The following RASEF variants were observed in gnomAD, a reference collection of about 807,000 sequenced individuals.
The protein encoded by RASEF is RAS and EF-hand domain containing, also known as ras and EF-hand domain-containing protein.
Under a neutral mutation model 90.1 loss-of-function variants are expected in RASEF, and 68 were observed. The observed-to-expected ratio is 0.75, with a 90% CI of 0.62 to 0.92. The LOEUF (loss-of-function observed/expected upper bound fraction) is 0.92. Ranked by LOEUF, RASEF falls within the 40% of genes least tolerant of loss-of-function variation. RASEF has a pLI of 0.00. For synonymous variants in RASEF, 331 were observed against 345.2 expected, an observed-to-expected ratio of 0.96 and a Z score of 0.46; for missense variants, 949 against 937.2, an observed-to-expected ratio of 1.01 and a Z score of -0.16.
chr9:83,190,883 G>C, the RASEF span, among the ~76,000 whole-genome samples: 1 of 152,130 alleles, frequency 6.6e-6, no homozygotes, highest in African/African-American at 2.4e-5. Flanking sequence ...CCCATGCCCA[G>C]GAAATTACCA....
At chr9:83,169,055 T>G in the RASEF span, among the ~76,000 whole-genome samples, 1 of 152,096 alleles carries the variant, frequency 6.6e-6, no homozygotes, top group South Asian at 2.1e-4. Flanking sequence ...GAGATCATTT[T>G]TTTTTTAGCT....
chr9:82,992,058 T>C (rs1302368686), intron 15 of RASEF, among the ~76,000 whole-genome samples: 1 of 152,242 alleles, frequency 6.6e-6, no homozygotes, highest in Admixed American at 6.5e-5. Context: ...TTATCACATT[T>C]GGTTTGCAGT....
rs375581972 is a variant in RASEF at position 82,990,478 on chromosome 9, G to C, written c.2041-11C>G. The stretch of plus-strand genomic sequence containing the variant: ...TAATGCCCCATACGTCTGTAAAAAA[G>C]AAATACACACAATTAAATGAAGCCC... On this transcript the variant is annotated splice_polypyrimidine_tract_variant and intron_variant, in intron 15 of 16. Coordinates refer to ENST00000376447, the MANE Select transcript of RASEF (RefSeq NM_152573.4). 1.9e-6 allele frequency: 3 copies of C among 1,595,094 alleles called. No individual in the cohort carries two copies. The highest frequency in any genetic ancestry group is 8.6e-7 in the Non-Finnish European group (1 of 1,164,660).
chr9:82,983,990 T>A lies in RASEF; in HGVS notation c.2118-1208A>T, dbSNP rs556713761. Among the ~76,000 whole-genome samples the A allele has an allele frequency of 2.0e-5, 3 of 152,220 alleles. No homozygotes were observed. In the South Asian group the frequency reaches 6.2e-4, roughly 32 times the overall value. ...GACATCCAGCCACCTCTGCCAACTGTGAGAAATAAAAATTGGTTGTTGTTT... is the reference window on the plus strand; with the variant it reads ...GACATCCAGCCACCTCTGCCAACTGAGAGAAATAAAAATTGGTTGTTGTTT... On this transcript the variant is annotated intron_variant, in intron 16 of 16. Transcript: ENST00000376447.
chr9:83,129,591 A>C, the RASEF span, among the ~76,000 whole-genome samples: 1 of 152,210 alleles, frequency 6.6e-6, no homozygotes, highest in South Asian at 2.1e-4. Context: ...TATTAAATAG[A>C]AGCTTCATCA....
chr9:83,169,177 C>T, the RASEF span, among the ~76,000 whole-genome samples: 6 of 151,994 alleles, frequency 3.9e-5, no homozygotes, highest in Non-Finnish European at 7.4e-5. Flanking sequence ...CTGCAAATGA[C>T]AGGGCTTCAT....
intron 5 of RASEF, among the ~76,000 whole-genome samples, chr9:83,011,347 A>G (rs1245138360): frequency 6.6e-6 from 1 of 151,972 alleles, no homozygotes; most frequent in Non-Finnish European, 1.5e-5. Flanking sequence ...AGGTCAAGAG[A>G]TTGAGACCAC....
rs373095501 is a variant in RASEF at position 82,982,653 on chromosome 9, T to A, written c.*24A>T. On this transcript the variant is annotated 3_prime_UTR_variant, in exon 17 of 17. Transcript: ENST00000376447. ...ATTCAGTATTCTGGAAATGAAGACT[T>A]CACAGGCCAAGGATGTTTGGGATTT... is the stretch of plus-strand genomic sequence containing the variant. 3.7e-5 allele frequency: 49 copies of A among 1,310,192 alleles called. No homozygotes were observed. Among genetic ancestry groups the A allele is most frequent in the Non-Finnish European group, 5.0e-5 (45 of 902,842 alleles). The allele number at this position is 1,310,192 out of a possible 1,614,324, so 81.2% of individuals were successfully genotyped here.
At chr9:83,133,555 A>G in the RASEF span, among the ~76,000 whole-genome samples, 2 of 152,164 alleles carry the variant, frequency 1.3e-5, no homozygotes, top group Non-Finnish European at 2.9e-5. Context: ...CTCCACAAAT[A>G]AAATGCCACT....
At chr9:83,132,327 C>T in the RASEF span, among the ~76,000 whole-genome samples, 2 of 152,116 alleles carry the variant, frequency 1.3e-5, no homozygotes, top group Admixed American at 6.5e-5. Flanking sequence ...CAAGGAAAAG[C>T]TCTAACATGG....
intron 3 of RASEF, among the ~76,000 whole-genome samples, chr9:83,017,314 T>C (rs1587498058): frequency 7.0e-6 from 1 of 142,950 alleles, no homozygotes; most frequent in African/African-American, 2.6e-5. Flanking sequence ...TGAAACCTCG[T>C]CTCTACTAAA....
intron 6 of RASEF, among the ~76,000 whole-genome samples, chr9:83,008,799 T>C (rs981745275): frequency 2.0e-5 from 3 of 150,192 alleles, no homozygotes; most frequent in African/African-American, 7.3e-5. Context: ...ATGACTACGT[T>C]AGTGGCACTA....
chr9:83,173,131 T>A, the RASEF span, among the ~76,000 whole-genome samples: 5 of 152,092 alleles, frequency 3.3e-5, no homozygotes, highest in African/African-American at 9.6e-5. Flanking sequence ...CAAAGCCCCT[T>A]TATATGTTAT....
chr9:83,008,905 T>TATATATATATAG (rs1829183643), intron 6 of RASEF, among the ~76,000 whole-genome samples: 1 of 116,008 alleles, frequency 8.6e-6, no homozygotes, highest in Admixed American at 8.3e-5. Context: ...TATATATATA[T>TATATATATATAG]ATATATATAT....
At chr9:83,202,646 T>TTTTG in the RASEF span, among the ~76,000 whole-genome samples, 2,156 of 152,184 alleles carry the variant, frequency 0.014, 40 homozygotes, top group African/African-American at 0.047. Context: ...TGGCTTGTTT[T>TTTTG]TTTGTTTGTT....
chr9:83,031,765 T>C (rs1587509152), intron 1 of RASEF, among the ~76,000 whole-genome samples: 1 of 152,294 alleles, frequency 6.6e-6, no homozygotes, highest in East Asian at 1.9e-4. Context: ...AATGAAAGCA[T>C]GAATAAGATA....
At chr9:83,096,485 G>T in the RASEF span, among the ~76,000 whole-genome samples, 1 of 152,162 alleles carries the variant, frequency 6.6e-6, no homozygotes, top group East Asian at 1.9e-4. Context: ...AGGGCTCGCA[G>T]ATTAGTGCTG....
chr9:83,047,290 G>A (rs1039169054), intron 1 of RASEF, among the ~76,000 whole-genome samples: 17 of 152,074 alleles, frequency 1.1e-4, no homozygotes, highest in African/African-American at 3.4e-4. Flanking sequence ...AAGAAAAAAC[G>A]AAAAAGAAAA....
chr9:83,210,835 A>T, the RASEF span, among the ~76,000 whole-genome samples: 1 of 152,236 alleles, frequency 6.6e-6, no homozygotes, highest in Non-Finnish European at 1.5e-5. Context: ...ACACATGGCC[A>T]TCAATGCTAA....
Sources: gnomAD v4.1 joint callset for allele counts (sites outside exome capture counted in the v4.1 genomes callset) on GRCh38, gnomAD v4.1.1 for gene constraint, MANE v1.5 for transcripts, NCBI Gene and HGNC (gene_info 2026-07-23, HGNC 2026-07-21) for gene names.